IL18R1: variants seen among roughly 807,000 people sequenced by gnomAD.
IL18R1 encodes interleukin 18 receptor 1.
A neutral mutation model predicts 48.5 loss-of-function variants in IL18R1; 40 were observed. That is an observed-to-expected ratio of 0.82 (90% CI 0.64 to 1.07). The LOEUF is 1.07. IL18R1 is among the 50% of genes least tolerant of loss of function. The pLI is 0.00. For missense variants in IL18R1, 596 were observed against 633.7 expected (o/e 0.94, Z 0.64); for synonymous variants, 232 against 225.9 (o/e 1.03, Z -0.24).
rs779550235 is a variant in IL18R1, at chr2:102,381,702, T to C, written c.688+20T>C. Reference sequence around the variant, plus strand: ...AATTAGGTATATTTCAATATACATATATTCTGCATTTATAAGTAGGGGACA... The same window carrying C: ...AATTAGGTATATTTCAATATACATACATTCTGCATTTATAAGTAGGGGACA... On this transcript the variant is annotated intron_variant, in intron 6 of 10. Coordinates refer to ENST00000233957, the MANE Select transcript of IL18R1 (RefSeq NM_003855.5). 2.2e-5 allele frequency: 34 copies of C among 1,541,582 alleles called. No homozygotes were observed. The highest frequency in any genetic ancestry group is 3.1e-5 in the Non-Finnish European group (34 of 1,114,612).
chr2:102,384,885 C>A lies in IL18R1; in HGVS notation c.696C>A (p.Asn232Lys), dbSNP rs11465644. 6.2e-7 allele frequency: 1 copy of A among 1,606,446 alleles called. No homozygotes were observed. Among genetic ancestry groups the A allele is most frequent in the Non-Finnish European group, 8.5e-7 (1 of 1,177,020 alleles). Residue 232 changes from asparagine (N) to lysine (K), a missense_variant, in exon 7 of 11, where the codon AAC (asparagine) becomes AAA (lysine). Asn to Lys is a moderately conservative substitution (Grantham distance 94). Around this residue, in one of 3 missense-constraint regions of IL18R1, gnomAD observed 360 missense variants for 339.4 expected, o/e 1.06. Transcript: ENST00000233957. ...LNHVAVELGKNVRLNCSALLN... is the reference protein window; with the variant it reads ...LNHVAVELGKKVRLNCSALLN... ...GTTGCCAACTTTTACCAGGAAAAAACGTAAGGCTCAACTGCTCTGCTTTGC... is the reference window on the plus strand; with the variant it reads ...GTTGCCAACTTTTACCAGGAAAAAAAGTAAGGCTCAACTGCTCTGCTTTGC...
At chr2:102,386,709 T>C in intron 7 of IL18R1, 152 bp from the exon 8 acceptor site, 2 of 758,466 alleles carry the variant, frequency 2.6e-6, no homozygotes. Context: ...GAGGGGACGT[T>C]TATTGTAGTC....
At chr2:102,382,631 G>A (rs79868961) in intron 6 of IL18R1, among the ~76,000 whole-genome samples, 262 of 152,256 alleles carry the variant, frequency 1.7e-3, no homozygotes, top group African/African-American at 5.8e-3. Flanking sequence ...AGTGCAAAAA[G>A]GCTAAGTAAC....
rs1320138041 is a variant in IL18R1 at position 102,381,634 on chromosome 2, G to T, written c.640G>T (p.Val214Phe). The T allele has an allele frequency of 1.2e-6, 2 of 1,612,946 alleles. No homozygotes were observed. The highest frequency in any genetic ancestry group is 2.7e-5 in the African/African-American group (2 of 74,902). The change falls in exon 6 of 11, where the codon GTT becomes TTT. Residue 214 changes from valine to phenylalanine, a missense_variant. Around this residue, in one of 3 missense-constraint regions of IL18R1, gnomAD observed 360 missense variants for 339.4 expected, o/e 1.06. Coordinates refer to ENST00000233957, the MANE Select transcript of IL18R1 (RefSeq NM_003855.5). ...GTCACTTCTAGATCGCAGTAATATA[G>T]TTCCGGTTCTTCTTGGACCAAAGCT... ...ITIVEDRSNI[V>F]PVLLGPKLNH...
Position 102,358,418 on chromosome 2 carries a change from CTT to C in IL18R1, c.-29+2027_-29+2028del, listed in dbSNP as rs538001570. Among the ~76,000 whole-genome samples, 371 of 149,810 alleles carry C rather than the reference CTT, an allele frequency of 2.5e-3. 1 individual carries two copies. The highest frequency in any genetic ancestry group is 5.7e-3 in the South Asian group (27 of 4,728). On this transcript the variant is annotated intron_variant, in intron 1 of 10. Coordinates refer to ENST00000233957, the MANE Select transcript of IL18R1 (RefSeq NM_003855.5). Reference sequence around the variant, plus strand: ...TAGGTCACCCAATTTTTGAAGGAAACTTTTTTTTTTCATTTAGAGAAAACTTC... The same window carrying C: ...TAGGTCACCCAATTTTTGAAGGAAACTTTTTTTTCATTTAGAGAAAACTTC...
chr2:102,373,512 G>A (rs11465609), intron 4 of IL18R1, among the ~76,000 whole-genome samples: 189 of 152,134 alleles, frequency 1.2e-3, no homozygotes, highest in African/African-American at 4.4e-3. Context: ...ACCTAATGTA[G>A]ATGACAAATT....
chr2:102,358,529 A>G (rs1408682437), intron 1 of IL18R1, among the ~76,000 whole-genome samples: 1 of 152,224 alleles, frequency 6.6e-6, no homozygotes, highest in Non-Finnish European at 1.5e-5. Context: ...ATGCACAAAT[A>G]TTTAATATGT....
chr2:102,364,720 G>C (rs889404729), intron 2 of IL18R1, among the ~76,000 whole-genome samples: 4 of 152,118 alleles, frequency 2.6e-5, no homozygotes, highest in African/African-American at 9.7e-5. Context: ...CTTGAGACTG[G>C]GTAATTTATA....
At chr2:102,359,021 A>ATGTG (rs140578887) in intron 1 of IL18R1, among the ~76,000 whole-genome samples, 5 of 150,936 alleles carry the variant, frequency 3.3e-5, no homozygotes, top group African/African-American at 1.2e-4. Context: ...GTGTGTGAGC[A>ATGTG]TGTGTGTGTG....
At chr2:102,380,995 C>T (rs1046393679) in intron 5 of IL18R1, among the ~76,000 whole-genome samples, 1 of 152,182 alleles carries the variant, frequency 6.6e-6, no homozygotes, top group African/African-American at 2.4e-5. Flanking sequence ...TGACTTACTT[C>T]CCAAGCATCA....
intron 7 of IL18R1, among the ~76,000 whole-genome samples, 185 bp from the exon 8 acceptor site, chr2:102,386,676 G>A (rs1296081608): frequency 1.3e-5 from 2 of 152,204 alleles, no homozygotes; most frequent in South Asian, 2.1e-4. Flanking sequence ...GGCTGTTTCT[G>A]TCAGTTCTGA....
chr2:102,378,544 A>T (rs536147190), intron 5 of IL18R1, among the ~76,000 whole-genome samples: 2 of 152,134 alleles, frequency 1.3e-5, no homozygotes, highest in East Asian at 1.9e-4. Context: ...GTCTCTCAGG[A>T]CTCCACTCAA....
In IL18R1 at chr2:102,356,207, CTTTT is replaced by C; in HGVS notation, c.-210_-207del. The stretch of plus-strand genomic sequence containing the variant: ...GTTCCTACTTTTTTTCCTTCTTCTT[CTTTT>C]TTTTTTTTTTTGTAGCCCTCTCTGG... On this transcript the variant is annotated 5_prime_UTR_variant, in exon 1 of 11. Transcript: ENST00000233957. 13 of 177,578 alleles carry C rather than the reference CTTTT, an allele frequency of 7.3e-5. No homozygotes were observed. Among genetic ancestry groups the C allele is most frequent in the South Asian group, 3.6e-4 (2 of 5,490 alleles). The allele number at this position is 177,578 out of a possible 1,614,324, so 11.0% of individuals were successfully genotyped here. A position where few individuals can be genotyped will look rare whatever the true frequency, so the allele number is the denominator to read the frequency against.
rs73006117 is a variant in IL18R1, at chr2:102,371,918, G to A, written c.303-35G>A. The A allele has an allele frequency of 2.1e-4, 265 of 1,240,950 alleles. No homozygotes were observed. In the African/African-American group the frequency reaches 3.1e-3, roughly 15 times the overall value. The allele number at this position is 1,240,950 out of a possible 1,614,324, so 76.9% of individuals were successfully genotyped here. On this transcript the variant is annotated intron_variant, in intron 3 of 10. Transcript: ENST00000233957. ...GGGTGATATTTGCAAAGTTTCTGTA[G>A]CATTATAAAATACCTTTACACTTTT...
At chr2:102,378,582 G>A (rs1285162485) in intron 5 of IL18R1, among the ~76,000 whole-genome samples, 1 of 152,160 alleles carries the variant, frequency 6.6e-6, no homozygotes, top group Non-Finnish European at 1.5e-5. Flanking sequence ...TGCCCCCATG[G>A]CCTCTTGTTT....
At chr2:102,358,714 A>G (rs1678401169) in intron 1 of IL18R1, among the ~76,000 whole-genome samples, 1 of 152,188 alleles carries the variant, frequency 6.6e-6, no homozygotes, top group Non-Finnish European at 1.5e-5. Context: ...GAGCCCGGGC[A>G]TCATTATTTT....
chr2:102,372,600 CTT>C (rs36068136), intron 4 of IL18R1, among the ~76,000 whole-genome samples: 1 of 151,284 alleles, frequency 6.6e-6, no homozygotes, highest in African/African-American at 2.4e-5. Flanking sequence ...CCATCACAGA[CTT>C]TTTTTTTCTG....
At position 102,398,751 on chromosome 2, in the gene IL18R1, C is replaced by T. The variant is rs986745954; in HGVS notation, c.*1865C>T. On this transcript the variant is annotated 3_prime_UTR_variant, in exon 11 of 11. Coordinates refer to ENST00000233957, the MANE Select transcript of IL18R1 (RefSeq NM_003855.5). ...TGTGTGTTTTAAAATGCATAAAACACGTTGAAATACATTAATGAACCATTA... is the reference window on the plus strand; with the variant it reads ...TGTGTGTTTTAAAATGCATAAAACATGTTGAAATACATTAATGAACCATTA... 6.6e-6 allele frequency: 1 copy of T among 152,316 alleles called. No individual in the cohort carries two copies. The highest frequency in any genetic ancestry group is 2.1e-4 in the South Asian group (1 of 4,836). 9.4% of individuals were successfully genotyped at this position (152,316 alleles called of 1,614,324 possible).
intron 4 of IL18R1, among the ~76,000 whole-genome samples, chr2:102,372,576 A>C (rs538542594): frequency 1.3e-5 from 2 of 149,384 alleles, no homozygotes; most frequent in South Asian, 4.2e-4. Context: ...AGAAAGCAAA[A>C]ATCACTCATA....
Sources: gnomAD v4.1 joint callset for allele counts (sites outside exome capture counted in the v4.1 genomes callset) on GRCh38, gnomAD v4.1.1 for gene constraint, gnomAD v4.1.1 regional missense constraint, MANE v1.5 for transcripts, NCBI Gene and HGNC (gene_info 2026-07-23, HGNC 2026-07-21) for gene names.